AK9: variants seen among roughly 807,000 people sequenced by gnomAD.
AK9 encodes adenylate kinase domain containing 1.
A neutral mutation model predicts 239.6 loss-of-function variants in AK9; 191 were observed. The ratio of observed to expected loss-of-function variants is 0.80; its 90% confidence interval spans 0.71 to 0.90. AK9 has a LOEUF of 0.90. AK9 is among the 40% of genes least tolerant of loss of function. AK9 has a pLI of 0.00. For missense variants in AK9, 1,995 were observed against 2,214.7 expected, an observed-to-expected ratio of 0.90 and a Z score of 1.99; for synonymous variants, 689 against 721.0, an observed-to-expected ratio of 0.96 and a Z score of 0.71.
chr6:109,635,997 C>T (rs1286791931), intron 10 of AK9, among the ~76,000 whole-genome samples: 2 of 152,136 alleles, frequency 1.3e-5, no homozygotes, highest in Admixed American at 6.5e-5. Context: ...TACAATAATA[C>T]GATGCCATAG....
intron 24 of AK9, among the ~76,000 whole-genome samples, chr6:109,562,248 A>G (rs1785869737): frequency 6.6e-6 from 1 of 151,936 alleles, no homozygotes; most frequent in African/African-American, 2.4e-5. Flanking sequence ...TTCATTTCGG[A>G]TAGTTTCTAT....
chr6:109,577,138 C>T (rs1250320875), intron 20 of AK9, among the ~76,000 whole-genome samples: 2 of 151,956 alleles, frequency 1.3e-5, no homozygotes, highest in East Asian at 1.9e-4. Context: ...CCATAGATGG[C>T]TTTTATTACC....
chr6:109,640,808 T>C lies in AK9; in HGVS notation c.933+710A>G, dbSNP rs146696371. 1.2e-3 allele frequency among the ~76,000 whole-genome samples: 178 copies of C among 152,260 alleles called. 2 individuals are homozygous for C. Among genetic ancestry groups the C allele is most frequent in the Middle Eastern group, 3.4e-3 (1 of 294 alleles). ...AAACTCCTTGTGGCACTTTTGGCAA[T>C]TGGCAGTTATAATCTGATACCCATC... On this transcript the variant is annotated intron_variant, in intron 10 of 40. Transcript: ENST00000424296.
chr6:109,550,273 C>G lies in AK9; in HGVS notation c.2781G>C (p.Arg927Ser). Residue 927 changes from arginine (R) to serine (S), a missense_variant, in exon 25 of 41, where the codon AGG becomes AGC. Transcript: ENST00000424296. ...AAAAGTGTTTTGTGTCTCCCAAATG[C>G]CTCTTTCTCTCCTTCATTTTATCTT... ...EGEDKMKERK[R>S]HLGDTKHFCP... 1 of 1,611,624 alleles carries G rather than the reference C, an allele frequency of 6.2e-7. No homozygotes were observed.
chr6:109,496,268 C>T (rs1004357775), intron 38 of AK9, among the ~76,000 whole-genome samples: 2 of 152,216 alleles, frequency 1.3e-5, no homozygotes, highest in Non-Finnish European at 2.9e-5. Flanking sequence ...CCTCAGCCGG[C>T]CGTGTGCAGT....
At chr6:109,493,668 T>C in intron 40 of AK9, 97 bp from the exon 41 acceptor site, 1 of 1,094,196 alleles carries the variant, frequency 9.1e-7, no homozygotes, top group Non-Finnish European at 1.3e-6. Flanking sequence ...GTTACACAGT[T>C]ATGGTTGAGA....
At chr6:109,556,142 G>A (rs751880386) in intron 24 of AK9, among the ~76,000 whole-genome samples, 101 of 152,130 alleles carry the variant, frequency 6.6e-4, no homozygotes, top group Non-Finnish European at 1.4e-3. Flanking sequence ...GCAGTGGCTG[G>A]TACCAGTTTT....
At chr6:109,564,679 C>A (rs769140732) in intron 22 of AK9, 77 bp downstream of exon 22, 69 of 1,109,758 alleles carry the variant, frequency 6.2e-5, no homozygotes, top group Non-Finnish European at 8.8e-5. Flanking sequence ...ACCTACTATG[C>A]CTAAAATTAG....
At chr6:109,616,380 T>C (rs1165739473) in intron 13 of AK9, among the ~76,000 whole-genome samples, 1 of 152,072 alleles carries the variant, frequency 6.6e-6, no homozygotes, top group Non-Finnish European at 1.5e-5. Flanking sequence ...GCAATACATT[T>C]GATAATTTTC....
chr6:109,519,267 A>G (rs775111350), intron 29 of AK9, among the ~76,000 whole-genome samples: 2 of 152,158 alleles, frequency 1.3e-5, no homozygotes, highest in African/African-American at 2.4e-5. Flanking sequence ...GAATAGGGCT[A>G]TGATGAACAT....
intron 25 of AK9, among the ~76,000 whole-genome samples, chr6:109,549,485 T>C (rs9386813): frequency 0.58 from 88,431 of 151,934 alleles, 27,432 homozygotes; most frequent in South Asian, 0.84. Flanking sequence ...GGCCTCACTA[T>C]AGTAAGGAAT....
At position 109,542,163 on chromosome 6, in the gene AK9, T is replaced by C. The variant is rs371582096; in HGVS notation, c.3234A>G (p.Glu1078=). Residue 1078 remains glutamate (E), a synonymous_variant, in exon 27 of 41, where the codon GAA becomes GAG. Coordinates refer to ENST00000424296, the MANE Select transcript of AK9 (RefSeq NM_001145128.3). Reference sequence around the variant, plus strand: ...CTTCTTCTTCTTCTGTAAGTTGTACTTCTGGAAGCTAAAAACAAAAATCAG... The same window carrying C: ...CTTCTTCTTCTTCTGTAAGTTGTACCTCTGGAAGCTAAAAACAAAAATCAG... ...EEENTKKQLP[E]VQLTEEEEVI... The C allele has an allele frequency of 6.3e-7, 1 of 1,588,938 alleles. No homozygotes were observed. The highest frequency in any genetic ancestry group is 8.5e-7 in the Non-Finnish European group (1 of 1,171,592).
At position 109,681,978 on chromosome 6, in the gene AK9, A is replaced by G. The variant is rs569957884; in HGVS notation, c.-11-6222T>C. Among the ~76,000 whole-genome samples, 13 of 152,344 alleles carry G rather than the reference A, an allele frequency of 8.5e-5. No homozygotes were observed. The South Asian group carries it at 2.7e-3, about 32-fold the overall frequency. ...ATTTATAGCACTAAATGCCCACAAG[A>G]GAAAGCAGGAAAGATCTAAAATTGA... is the stretch of plus-strand genomic sequence containing the variant. On this transcript the variant is annotated intron_variant, in intron 1 of 40. Transcript: ENST00000424296.
intron 12 of AK9, among the ~76,000 whole-genome samples, chr6:109,629,852 C>G (rs1795938743): frequency 6.6e-6 from 1 of 152,024 alleles, no homozygotes; most frequent in East Asian, 1.9e-4. Context: ...CCAGGATGGT[C>G]TCGATCTCCT....
At chr6:109,676,100 G>A (rs1771718782) in intron 1 of AK9, among the ~76,000 whole-genome samples, 1 of 152,076 alleles carries the variant, frequency 6.6e-6, no homozygotes, top group South Asian at 2.1e-4. Flanking sequence ...ATAGGTGCAT[G>A]TATAAATTTT....
intron 24 of AK9, among the ~76,000 whole-genome samples, chr6:109,551,201 C>A (rs1022282860): frequency 6.6e-6 from 1 of 152,078 alleles, no homozygotes; most frequent in African/African-American, 2.4e-5. Context: ...TTTTACTATT[C>A]TTACTTGATA....
chr6:109,654,581 T>G (rs915059563), intron 8 of AK9, among the ~76,000 whole-genome samples: 2 of 152,158 alleles, frequency 1.3e-5, no homozygotes, highest in African/African-American at 2.4e-5. Context: ...TCCACCCACC[T>G]TGGCCTCCCA....
chr6:109,603,399 C>G (rs1007154180), intron 17 of AK9, among the ~76,000 whole-genome samples: 1 of 152,140 alleles, frequency 6.6e-6, no homozygotes, highest in Non-Finnish European at 1.5e-5. Context: ...TATTGCTGAA[C>G]GGGAAATGTT....
chr6:109,591,965 T>C (rs1414903910), intron 17 of AK9, among the ~76,000 whole-genome samples: 1 of 152,086 alleles, frequency 6.6e-6, no homozygotes, highest in Non-Finnish European at 1.5e-5. Context: ...AAATAAAGTA[T>C]AAAAACTGGT....
Sources: gnomAD v4.1 joint callset for allele counts (sites outside exome capture counted in the v4.1 genomes callset) on GRCh38, gnomAD v4.1.1 for gene constraint, MANE v1.5 for transcripts, NCBI Gene and HGNC (gene_info 2026-07-23, HGNC 2026-07-21) for gene names.